AGBL4: variants seen among roughly 807,000 people sequenced by gnomAD.
AGBL4 encodes AGBL carboxypeptidase 4.
A neutral mutation model predicts 66.4 loss-of-function variants in AGBL4; 58 were observed. The ratio of observed to expected loss-of-function variants is 0.87; its 90% CI spans 0.71 to 1.09. The LOEUF is 1.09. Among genes scored for constraint, AGBL4 ranks in the 50% least tolerant of loss-of-function variants. AGBL4 has a pLI of 0.00. For missense variants in AGBL4, 579 were observed against 631.0 expected (o/e 0.92, Z 0.88); for synonymous variants, 234 against 222.9 (o/e 1.05, Z -0.44).
At chr1:48,789,491 A>G (rs113158438) in intron 6 of AGBL4, among the ~76,000 whole-genome samples, 1,532 of 152,058 alleles carry the variant, frequency 0.01, 15 homozygotes, top group Middle Eastern at 0.02. Context: ...GGGTTTCACC[A>G]TGTTAGCCAG....
At chr1:48,967,267 A>G (rs368013174) in intron 5 of AGBL4, among the ~76,000 whole-genome samples, 1 of 38,188 alleles carries the variant, frequency 2.6e-5, no homozygotes, top group African/African-American at 8.1e-5. Flanking sequence ...AGTCACCAAG[A>G]CCTGTGAGTA....
intron 1 of AGBL4, among the ~76,000 whole-genome samples, chr1:49,857,555 C>T (rs192217169): frequency 6.6e-6 from 1 of 152,048 alleles, no homozygotes; most frequent in East Asian, 1.9e-4. Context: ...GAATAAAAAA[C>T]CAAAAAGTAA....
chr1:49,578,901 G>A (rs1644489018), intron 3 of AGBL4, among the ~76,000 whole-genome samples: 1 of 152,146 alleles, frequency 6.6e-6, no homozygotes, highest in Non-Finnish European at 1.5e-5. Flanking sequence ...GGGTATATCT[G>A]TGAAGGTGTT....
At chr1:49,260,474 A>T (rs1009986801) in intron 3 of AGBL4, among the ~76,000 whole-genome samples, 7 of 152,092 alleles carry the variant, frequency 4.6e-5, no homozygotes, top group Non-Finnish European at 1.0e-4. Context: ...GATAAAGGGG[A>T]TATCACCACC....
At chr1:48,749,130 T>C (rs558373464) in intron 6 of AGBL4, among the ~76,000 whole-genome samples, 2 of 152,204 alleles carry the variant, frequency 1.3e-5, no homozygotes, top group East Asian at 3.9e-4. Context: ...TCCCCGACTT[T>C]GAGGAATTGC....
intron 3 of AGBL4, among the ~76,000 whole-genome samples, chr1:49,577,748 T>C (rs939776571): frequency 6.6e-6 from 1 of 152,218 alleles, no homozygotes; most frequent in African/African-American, 2.4e-5. Flanking sequence ...TCTTACCATG[T>C]TCCTCATTAT....
chr1:49,707,936 G>A (rs1477532131), intron 2 of AGBL4, among the ~76,000 whole-genome samples: 1 of 152,058 alleles, frequency 6.6e-6, no homozygotes, highest in African/African-American at 2.4e-5. Flanking sequence ...TAGTCTGATG[G>A]GCTTCCTTGT....
At chr1:49,748,805 C>A (rs1288226644) in intron 2 of AGBL4, among the ~76,000 whole-genome samples, 1 of 152,080 alleles carries the variant, frequency 6.6e-6, no homozygotes, top group Non-Finnish European at 1.5e-5. Flanking sequence ...TAAATGTCTT[C>A]TTTTGAGAAG....
chr1:48,577,468 T>A (rs1399504297), intron 11 of AGBL4, among the ~76,000 whole-genome samples: 1 of 152,178 alleles, frequency 6.6e-6, no homozygotes, highest in Non-Finnish European at 1.5e-5. Context: ...CTGCTGACAG[T>A]AATATTAACA....
chr1:49,809,133 T>G (rs1645039723), intron 2 of AGBL4, among the ~76,000 whole-genome samples: 1 of 152,146 alleles, frequency 6.6e-6, no homozygotes, highest in African/African-American at 2.4e-5. Flanking sequence ...ACAGGAAAAT[T>G]CTTCCCTTGT....
Position 49,587,383 on chromosome 1 carries a change from G to T in AGBL4, c.282+109930C>A, listed in dbSNP as rs137942583. Among the ~76,000 whole-genome samples, 555 of 152,158 alleles carry T rather than the reference G, an allele frequency of 3.6e-3. 3 individuals carry two copies. The highest frequency in any genetic ancestry group is 0.013 in the African/African-American group (545 of 41,516). On this transcript the variant is annotated intron_variant, in intron 3 of 13. Coordinates refer to ENST00000371839, the MANE Select transcript of AGBL4 (RefSeq NM_032785.4). Reference sequence around the variant, plus strand: ...AGTACCTAGCCCACCTAGTCCAGGGGCCCCTCCTCTGTGTTCCCATAGCTC... The same window carrying T: ...AGTACCTAGCCCACCTAGTCCAGGGTCCCCTCCTCTGTGTTCCCATAGCTC...
intron 3 of AGBL4, among the ~76,000 whole-genome samples, chr1:49,650,856 T>A (rs561664168): frequency 1.3e-5 from 2 of 152,150 alleles, no homozygotes; most frequent in Non-Finnish European, 2.9e-5. Context: ...CCCTATTCAC[T>A]ATTGTGGATG....
At chr1:48,877,406 C>G (rs1649333300) in intron 5 of AGBL4, among the ~76,000 whole-genome samples, 1 of 152,092 alleles carries the variant, frequency 6.6e-6, no homozygotes, top group Non-Finnish European at 1.5e-5. Flanking sequence ...CGATGAGGCC[C>G]TAGCTACCTT....
At chr1:49,712,030 G>A (rs1329749547) in intron 2 of AGBL4, among the ~76,000 whole-genome samples, 1 of 151,890 alleles carries the variant, frequency 6.6e-6, no homozygotes, top group African/African-American at 2.4e-5. Flanking sequence ...GTTATTGTGA[G>A]TATTAAGTGA....
chr1:49,743,603 C>A lies in AGBL4; in HGVS notation c.158-46166G>T, dbSNP rs558217751. ...ATGCCGCTATAAAGACACATGCGCA[C>A]GTATGTTTATTGTGGCACTATTCAC... On this transcript the variant is annotated intron_variant, in intron 2 of 13. Coordinates refer to ENST00000371839, the MANE Select transcript of AGBL4 (RefSeq NM_032785.4). 1.6e-3 allele frequency among the ~76,000 whole-genome samples: 242 copies of A among 152,092 alleles called. 1 individual carries two copies. Among genetic ancestry groups the A allele is most frequent in the African/African-American group, 5.0e-3 (206 of 41,482 alleles).
intron 11 of AGBL4, among the ~76,000 whole-genome samples, chr1:48,550,670 C>T (rs754912332): frequency 1.3e-5 from 2 of 152,122 alleles, no homozygotes; most frequent in Non-Finnish European, 2.9e-5. Context: ...ATTTCATCTG[C>T]TTAGCTAAGA....
At chr1:48,768,287 A>G (rs1016379436) in intron 6 of AGBL4, among the ~76,000 whole-genome samples, 2 of 152,196 alleles carry the variant, frequency 1.3e-5, no homozygotes, top group Non-Finnish European at 2.9e-5. Context: ...TAAACACTAT[A>G]TAAATATGAC....
intron 2 of AGBL4, among the ~76,000 whole-genome samples, chr1:49,747,066 G>A (rs535382565): frequency 6.6e-6 from 1 of 152,070 alleles, no homozygotes; most frequent in Non-Finnish European, 1.5e-5. Flanking sequence ...CATGGCTGAC[G>A]CAAAAACCTA....
intron 3 of AGBL4, among the ~76,000 whole-genome samples, chr1:49,516,238 C>T (rs1049097859): frequency 6.6e-6 from 1 of 151,884 alleles, no homozygotes; most frequent in Non-Finnish European, 1.5e-5. Flanking sequence ...GGCAAATACA[C>T]ATGCAATTAT....
Sources: allele counts gnomAD v4.1 joint callset (sites outside exome capture counted in the v4.1 genomes callset), GRCh38; gene constraint gnomAD v4.1.1; transcripts MANE v1.5; gene names NCBI Gene and HGNC (gene_info 2026-07-23, HGNC 2026-07-21).